ATOSA: variants seen among roughly 807,000 people sequenced by gnomAD.
ATOSA encodes atos homolog A, also known as atos homolog protein A.
At chr15:52,674,572 A>C in the ATOSA span, among the ~76,000 whole-genome samples, 1 of 152,222 alleles carries the variant, frequency 6.6e-6, no homozygotes, top group Non-Finnish European at 1.5e-5. Flanking sequence ...CATAATTGTA[A>C]TAGCAAATGA....
chr15:52,616,649 T>C, the ATOSA span, among the ~76,000 whole-genome samples: 1 of 152,118 alleles, frequency 6.6e-6, no homozygotes, highest in Admixed American at 6.5e-5. Flanking sequence ...ACCTGACCCA[T>C]CCTGGGTCAG....
the ATOSA span, among the ~76,000 whole-genome samples, chr15:52,676,674 T>C: frequency 6.6e-6 from 1 of 152,344 alleles, no homozygotes; most frequent in East Asian, 1.9e-4. Flanking sequence ...ATAAATTTGT[T>C]TCCCCTAAAA....
chr15:52,658,826 A>AAAAAAAAAAAG, the ATOSA span: 1 of 327,180 alleles, frequency 3.1e-6, no homozygotes, highest in Non-Finnish European at 5.5e-6. Flanking sequence ...AAAAAAAAAA[A>AAAAAAAAAAAG]AAGTTAAAAA....
chr15:52,611,293 G>T, the ATOSA span: 3 of 1,601,242 alleles, frequency 1.9e-6, no homozygotes, highest in Non-Finnish European at 8.5e-7. Context: ...ATGTAGGCAA[G>T]TACAAAATGA....
At chr15:52,604,121 T>C in the ATOSA span, among the ~76,000 whole-genome samples, 1 of 152,168 alleles carries the variant, frequency 6.6e-6, no homozygotes, top group Non-Finnish European at 1.5e-5. Flanking sequence ...TATGTACCCA[T>C]AAGAATTTGA....
At chr15:52,639,260 A>G in the ATOSA span, among the ~76,000 whole-genome samples, 2 of 152,150 alleles carry the variant, frequency 1.3e-5, no homozygotes, top group African/African-American at 4.8e-5. Flanking sequence ...CTGTTCCTGA[A>G]CTTGTATTAC....
chr15:52,609,695 T>C, the ATOSA span: 2 of 1,613,780 alleles, frequency 1.2e-6, no homozygotes, highest in East Asian at 2.2e-5. Flanking sequence ...CGGAAAAGTT[T>C]TGAATGGAGT....
At chr15:52,669,475 T>C in the ATOSA span, among the ~76,000 whole-genome samples, 2 of 152,212 alleles carry the variant, frequency 1.3e-5, no homozygotes, top group African/African-American at 2.4e-5. Flanking sequence ...ATGATCTCTC[T>C]CACAAACCAT....
chr15:52,678,009 G>A, the ATOSA span: 1 of 1,613,964 alleles, frequency 6.2e-7, no homozygotes, highest in Non-Finnish European at 8.5e-7. Flanking sequence ...CATTTACCTC[G>A]GTCTGGCTTC....
chr15:52,584,220 C>T, the ATOSA span, among the ~76,000 whole-genome samples: 1 of 148,438 alleles, frequency 6.7e-6, no homozygotes, highest in Non-Finnish European at 1.5e-5. Flanking sequence ...TCTCAGCTCA[C>T]TGCAACCTCC....
At chr15:52,658,778 A>C in the ATOSA span, 1 of 347,528 alleles carries the variant, frequency 2.9e-6, no homozygotes, top group African/African-American at 2.3e-5. Context: ...CAGGCTGAGC[A>C]ACAGAGTGAG....
chr15:52,615,054 A>G, the ATOSA span, among the ~76,000 whole-genome samples: 1 of 152,168 alleles, frequency 6.6e-6, no homozygotes, highest in African/African-American at 2.4e-5. Context: ...TTAGTCTCAC[A>G]GCACTAATTC....
At chr15:52,628,453 C>G in the ATOSA span, among the ~76,000 whole-genome samples, 1 of 152,244 alleles carries the variant, frequency 6.6e-6, no homozygotes, top group South Asian at 2.1e-4. Flanking sequence ...GTGACGTTCT[C>G]TAAGTCAATT....
the ATOSA span, among the ~76,000 whole-genome samples, chr15:52,652,293 T>C: frequency 6.6e-6 from 1 of 152,232 alleles, no homozygotes; most frequent in Admixed American, 6.5e-5. Flanking sequence ...TTTCTTCAGT[T>C]GCTTTTAAAA....
chr15:52,617,049 G>T, the ATOSA span, among the ~76,000 whole-genome samples: 2 of 152,072 alleles, frequency 1.3e-5, no homozygotes, highest in Admixed American at 1.3e-4. Context: ...AAAAAAAATT[G>T]CTAGTCTATA....
At chr15:52,627,218 G>A in the ATOSA span, among the ~76,000 whole-genome samples, 5 of 152,278 alleles carry the variant, frequency 3.3e-5, no homozygotes, top group South Asian at 8.3e-4. Context: ...ACCTAAGAGG[G>A]AAGGGAAGGA....
At chr15:52,686,298 C>T in the ATOSA span, among the ~76,000 whole-genome samples, 1 of 152,220 alleles carries the variant, frequency 6.6e-6, no homozygotes, top group African/African-American at 2.4e-5. Context: ...AAAAAGATTT[C>T]ATACATTGGA....
chr15:52,626,358 T>C, the ATOSA span, among the ~76,000 whole-genome samples: 4 of 152,312 alleles, frequency 2.6e-5, no homozygotes, highest in East Asian at 7.7e-4. Flanking sequence ...GGAAACATTA[T>C]CCTTATAATG....
chr15:52,606,677 C>A, the ATOSA span, among the ~76,000 whole-genome samples: 1 of 152,080 alleles, frequency 6.6e-6, no homozygotes, highest in African/African-American at 2.4e-5. Context: ...TCATAAGAAC[C>A]GAACATTCTT....
Sources: allele counts gnomAD v4.1 joint callset (sites outside exome capture counted in the v4.1 genomes callset), GRCh38; gene constraint gnomAD v4.1.1; transcripts MANE v1.5; gene names NCBI Gene and HGNC (gene_info 2026-07-23, HGNC 2026-07-21).